Variants in GPM6A observed in about 807,000 individuals in gnomAD.
GPM6A encodes glycoprotein M6A.
GPM6A carries 7 observed loss-of-function variants against 32.1 expected under a neutral mutation model. The observed-to-expected ratio is 0.22, with a 90% CI of 0.12 to 0.41. The LOEUF (loss-of-function observed/expected upper bound fraction) is 0.41. Among genes scored for constraint, GPM6A ranks in the 10% least tolerant of loss-of-function variants. The pLI is 1.00. For synonymous variants in GPM6A, 130 were observed against 123.4 expected (o/e 1.05, Z -0.35); for missense variants, 235 against 347.2 (o/e 0.68, Z 2.57).
At chr4:175,669,157 C>A (rs1343144933) in intron 3 of GPM6A, among the ~76,000 whole-genome samples, 1 of 152,130 alleles carries the variant, frequency 6.6e-6, no homozygotes, top group East Asian at 1.9e-4. Context: ...CAAATATTTC[C>A]CATTATTATT....
In GPM6A at chr4:175,869,777, C is replaced by CA. The variant is rs1215579614; in HGVS notation, c.-22-57529dup. On this transcript the variant is annotated intron_variant, in intron 1 of 7. Coordinates refer to the GPM6A transcript ENST00000280187. ...GTCTCAAAAAAAACAAAAACAAAAA[C>CA]AAACAAAAAAAAATACTAACAGAGC... Among the ~76,000 whole-genome samples the CA allele has an allele frequency of 2.8e-4, 36 of 127,760 alleles. No homozygotes were observed. In the South Asian group the frequency reaches 6.5e-3, roughly 23 times the overall value. The allele number at this position is 127,760 out of a possible 152,430, so 83.8% of individuals were successfully genotyped here.
intron 1 of GPM6A, among the ~76,000 whole-genome samples, chr4:175,854,033 C>A (rs568155082): frequency 7.3e-4 from 111 of 152,182 alleles, no homozygotes; most frequent in Non-Finnish European, 1.2e-3. Context: ...GGAAAAAGCA[C>A]AAGGAAAGCA....
chr4:175,742,734 G>A (rs550541234), intron 1 of GPM6A, among the ~76,000 whole-genome samples: 14 of 152,214 alleles, frequency 9.2e-5, no homozygotes, highest in Admixed American at 2.6e-4. Context: ...AAGTGATTTC[G>A]AAGAGGAATC....
intron 4 of GPM6A, chr4:175,641,790 A>G (rs1741162770): frequency 6.6e-6 from 1 of 152,176 alleles, no homozygotes; most frequent in African/African-American, 2.4e-5. Flanking sequence ...CCCGGGTTCA[A>G]GTAATTCTCA....
At chr4:175,904,433 TACATATAC>T (rs774036939) in intron 1 of GPM6A, among the ~76,000 whole-genome samples, 13 of 152,160 alleles carry the variant, frequency 8.5e-5, no homozygotes, top group Non-Finnish European at 1.9e-4. Context: ...TACATATGTA[TACATATAC>T]ACACACATAT....
intron 1 of GPM6A, among the ~76,000 whole-genome samples, chr4:175,976,493 T>G (rs1740668767): frequency 6.6e-6 from 1 of 152,140 alleles, no homozygotes; most frequent in South Asian, 2.1e-4. Flanking sequence ...ACCCCTTTTT[T>G]ATTATTAAAA....
At position 175,825,240 on chromosome 4, in the gene GPM6A, C is replaced by T. The variant is rs982448236; in HGVS notation, c.-22-12991G>A. Among the ~76,000 whole-genome samples the T allele has an allele frequency of 3.3e-5, 5 of 152,046 alleles. No individual in the cohort carries two copies. The East Asian group carries it at 9.6e-4, about 29-fold the overall frequency. ...TTTACAGATAATTGTACTAGGTTAC[C>T]TTGGGGTGCAGTAATCTTAACAGCA... On this transcript the variant is annotated intron_variant, in intron 1 of 7. Transcript: ENST00000280187.
intron 1 of GPM6A, among the ~76,000 whole-genome samples, chr4:175,778,103 T>C (rs1733464391): frequency 6.6e-6 from 1 of 152,162 alleles, no homozygotes; most frequent in Admixed American, 6.5e-5. Flanking sequence ...ACAATGCTTA[T>C]TAAAAAATAC....
At chr4:175,800,441 C>T (rs191873098) in intron 1 of GPM6A, among the ~76,000 whole-genome samples, 230 of 152,248 alleles carry the variant, frequency 1.5e-3, no homozygotes, top group African/African-American at 5.2e-3. Context: ...ACCTCTAGGC[C>T]AAATCTTGTC....
intron 1 of GPM6A, among the ~76,000 whole-genome samples, chr4:175,843,721 A>T (rs1246846319): frequency 6.6e-6 from 1 of 152,154 alleles, no homozygotes; most frequent in Non-Finnish European, 1.5e-5. Context: ...TTTTCATTTT[A>T]TACTGAGGCC....
intron 1 of GPM6A, among the ~76,000 whole-genome samples, chr4:175,784,106 A>G (rs995645443): frequency 2.6e-5 from 4 of 152,116 alleles, no homozygotes; most frequent in Admixed American, 1.3e-4. Flanking sequence ...CCCAGTAATA[A>G]ATAAGGTGGA....
intron 1 of GPM6A, among the ~76,000 whole-genome samples, chr4:175,784,054 C>T (rs1383815532): frequency 6.6e-6 from 1 of 151,996 alleles, no homozygotes; most frequent in East Asian, 1.9e-4. Flanking sequence ...AGTGAAGTAA[C>T]CTAGTAGAAA....
chr4:175,817,671 G>C (rs1292265149), intron 1 of GPM6A, among the ~76,000 whole-genome samples: 1 of 152,168 alleles, frequency 6.6e-6, no homozygotes, highest in Non-Finnish European at 1.5e-5. Context: ...GATTGTTGGG[G>C]AGAAAGAAAA....
At chr4:175,995,473 T>C (rs967606342) in intron 1 of GPM6A, among the ~76,000 whole-genome samples, 3 of 150,914 alleles carry the variant, frequency 2.0e-5, no homozygotes, top group Admixed American at 6.6e-5. Context: ...CGATTAGCGA[T>C]ACAAGTGAAG....
At chr4:175,996,607 G>A (rs992000783) in intron 1 of GPM6A, among the ~76,000 whole-genome samples, 1 of 152,194 alleles carries the variant, frequency 6.6e-6, no homozygotes, top group Non-Finnish European at 1.5e-5. Flanking sequence ...TATTTTGAGT[G>A]GAGCTTATCC....
intron 3 of GPM6A, among the ~76,000 whole-genome samples, chr4:175,653,067 T>A (rs1324042548): frequency 1.3e-5 from 2 of 152,102 alleles, no homozygotes; most frequent in South Asian, 4.1e-4. Context: ...ATTAGCTAGA[T>A]TTTACCCCAC....
chr4:175,835,263 A>C (rs961638657), intron 1 of GPM6A, among the ~76,000 whole-genome samples: 7 of 152,146 alleles, frequency 4.6e-5, no homozygotes, highest in African/African-American at 1.7e-4. Flanking sequence ...CGTAAATTTT[A>C]TCTCATAGTG....
intron 1 of GPM6A, among the ~76,000 whole-genome samples, chr4:175,922,872 T>C (rs1738712061): frequency 6.6e-6 from 1 of 152,162 alleles, no homozygotes; most frequent in East Asian, 1.9e-4. Flanking sequence ...TTTTCCTATC[T>C]TTTCTTCATT....
intron 3 of GPM6A, among the ~76,000 whole-genome samples, chr4:175,652,749 A>G (rs1334790969): frequency 4.6e-5 from 7 of 152,156 alleles, no homozygotes; most frequent in African/African-American, 1.7e-4. Context: ...TAGTTCACAC[A>G]TGGTAAATGC....
Sources: allele counts gnomAD v4.1 joint callset (sites outside exome capture counted in the v4.1 genomes callset), GRCh38; gene constraint gnomAD v4.1.1; transcripts MANE v1.5; gene names NCBI Gene and HGNC (gene_info 2026-07-23, HGNC 2026-07-21).